The following SLC30A6 variants were observed in gnomAD, a reference collection of about 807,000 sequenced individuals.
SLC30A6 encodes solute carrier family 30 member 6.
SLC30A6 carries 55 observed loss-of-function variants against 63.0 expected under a neutral mutation model. The observed-to-expected ratio is 0.87, with a 90% CI of 0.70 to 1.09. SLC30A6 has a LOEUF of 1.09. SLC30A6 is among the 50% of genes least tolerant of loss of function. SLC30A6 has a pLI of 0.00. For missense variants in SLC30A6, 587 were observed against 549.2 expected, an observed-to-expected ratio of 1.07 and a Z score of -0.69; for synonymous variants, 224 against 186.1, an observed-to-expected ratio of 1.20 and a Z score of -1.66.
chr2:32,217,844 C>CT (rs61606348), intron 13 of SLC30A6, among the ~76,000 whole-genome samples: 14,139 of 143,616 alleles, frequency 0.098, 927 homozygotes, highest in Non-Finnish European at 0.14. Context: ...GGATTGAATT[C>CT]TTTTTTTTTT....
At chr2:32,179,729 GA>G (rs1375845661) in intron 4 of SLC30A6, among the ~76,000 whole-genome samples, 1 of 152,056 alleles carries the variant, frequency 6.6e-6, no homozygotes, top group Non-Finnish European at 1.5e-5. Context: ...TAAAAAGGGG[GA>G]AAGAATAAGA....
chr2:32,177,347 ACT>A (rs1681847790), intron 4 of SLC30A6: 1 of 160,552 alleles, frequency 6.2e-6, no homozygotes. Context: ...TTAGGGTCTT[ACT>A]CTGTCACCTA....
At position 32,221,983 on chromosome 2, in the gene SLC30A6, G is replaced by C. The variant is rs1686170071; in HGVS notation, c.*1270G>C. 1.3e-5 allele frequency: 2 copies of C among 152,014 alleles called. No individual in the cohort carries two copies. Among genetic ancestry groups the C allele is most frequent in the Admixed American group, 6.6e-5 (1 of 15,226 alleles). 9.4% of individuals were successfully genotyped at this position (152,014 alleles called of 1,614,324 possible). A position where few individuals can be genotyped will look rare whatever the true frequency, so the allele number is the denominator to read the frequency against. On this transcript the variant is annotated 3_prime_UTR_variant, in exon 14 of 14. Transcript: ENST00000282587. The stretch of plus-strand genomic sequence containing the variant: ...AATATGGAATTTGATGTCTTTTCAA[G>C]TTGCACAAAGAATTTGAGCATATAT...
Position 32,220,548 on chromosome 2 carries a change from G to C in SLC30A6, c.1221G>C (p.Arg407Ser), listed in dbSNP as rs763014635. The change falls in exon 14 of 14, where the codon AGG becomes AGC. Residue 407 changes from arginine to serine, a missense_variant. Physicochemically the swap from Arg to Ser is moderately radical, Grantham distance 110. Coordinates refer to ENST00000282587, the MANE Select transcript of SLC30A6 (RefSeq NM_017964.5). ...NPVILLNTQT[R>S]PYGFGLNHGH... ...TTATTCTTCTAAACACACAAACAAG[G>C]CCTTATGGTTTTGGTCTCAATCATG... 10 of 1,614,022 alleles carry C rather than the reference G, an allele frequency of 6.2e-6. No individual in the cohort carries two copies. The highest frequency in any genetic ancestry group is 8.5e-6 in the Non-Finnish European group (10 of 1,180,036).
At position 32,209,473 on chromosome 2, in the gene SLC30A6, C is replaced by G. The variant is rs750866728; in HGVS notation, c.817-20C>G. 2 of 1,592,880 alleles carry G rather than the reference C, an allele frequency of 1.3e-6. No individual in the cohort carries two copies. The highest frequency in any genetic ancestry group is 1.7e-6 in the Non-Finnish European group (2 of 1,171,036). On this transcript the variant is annotated intron_variant, in intron 12 of 13. Coordinates refer to ENST00000282587, the MANE Select transcript of SLC30A6 (RefSeq NM_017964.5). ...TGTTAAGTACAGACAACTCTGATCA[C>G]CTCTTTCTGTTTTTGGTAGGTATCT...
chr2:32,189,297 T>C (rs1373348687), intron 5 of SLC30A6, among the ~76,000 whole-genome samples: 3 of 149,172 alleles, frequency 2.0e-5, no homozygotes, highest in Non-Finnish European at 4.5e-5. Flanking sequence ...TTTTTTTTTT[T>C]TTTCTTTTTT....
chr2:32,204,304 C>G (rs1183313963), intron 10 of SLC30A6, among the ~76,000 whole-genome samples: 1 of 151,970 alleles, frequency 6.6e-6, no homozygotes, highest in African/African-American at 2.4e-5. Context: ...GATAGTTTGA[C>G]AAAAAAATGC....
At chr2:32,185,851 C>G (rs1682756097) in intron 5 of SLC30A6, among the ~76,000 whole-genome samples, 1 of 151,194 alleles carries the variant, frequency 6.6e-6, no homozygotes, top group South Asian at 2.1e-4. Context: ...TCCCGAGTAC[C>G]TGGGATTACA....
intron 11 of SLC30A6, among the ~76,000 whole-genome samples, chr2:32,206,328 C>T (rs2148887397): frequency 6.6e-6 from 1 of 152,058 alleles, no homozygotes; most frequent in East Asian, 2.0e-4. Flanking sequence ...TGCCTGTAGT[C>T]CCAGCTACTC....
intron 13 of SLC30A6, among the ~76,000 whole-genome samples, chr2:32,216,009 T>C (rs887565986): frequency 7.9e-5 from 12 of 152,228 alleles, no homozygotes; most frequent in Non-Finnish European, 1.6e-4. Flanking sequence ...TGAATAGTGC[T>C]GCAGTGAACA....
At chr2:32,204,924 C>T (rs928063024) in intron 11 of SLC30A6, among the ~76,000 whole-genome samples, 1 of 151,464 alleles carries the variant, frequency 6.6e-6, no homozygotes, top group Non-Finnish European at 1.5e-5. Flanking sequence ...AAGGACCCTC[C>T]CACCTCAGTC....
chr2:32,212,098 A>G (rs1023687476), intron 13 of SLC30A6, among the ~76,000 whole-genome samples: 4 of 151,816 alleles, frequency 2.6e-5, no homozygotes, highest in Non-Finnish European at 4.4e-5. Context: ...TCAAATTCTT[A>G]TCTTTTAATT....
intron 4 of SLC30A6, among the ~76,000 whole-genome samples, chr2:32,180,651 T>C (rs1282307282): frequency 6.6e-6 from 1 of 152,098 alleles, no homozygotes; most frequent in Non-Finnish European, 1.5e-5. Flanking sequence ...CAGGCTGGTC[T>C]TGAACTCCTG....
intron 4 of SLC30A6, among the ~76,000 whole-genome samples, chr2:32,180,711 GC>G (rs1682231647): frequency 6.6e-6 from 1 of 152,150 alleles, no homozygotes; most frequent in Non-Finnish European, 1.5e-5. Flanking sequence ...GGGATTACAG[GC>G]GTGAACCACC....
chr2:32,206,998 T>C (rs2148888892), intron 12 of SLC30A6, 65 bp downstream of exon 12: 1 of 1,295,278 alleles, frequency 7.7e-7, no homozygotes, highest in South Asian at 1.2e-5. Flanking sequence ...GTGGATACTT[T>C]TAATACTTTA....
At chr2:32,203,379 G>C (rs151126637) in intron 10 of SLC30A6, 13,385 of 1,056,142 alleles carry the variant, frequency 0.013, 203 homozygotes, top group South Asian at 0.045. Flanking sequence ...AAATCTAAAA[G>C]CACGGATGCC....
In SLC30A6 at chr2:32,218,465, T is replaced by C. The variant is rs114911404; in HGVS notation, c.886-1748T>C. ...TTCCATTACTACCTCTGGAATATGA[T>C]ATATCTGTCTGTCCCTCTCTGATCC... On this transcript the variant is annotated intron_variant, in intron 13 of 13. Coordinates refer to ENST00000282587, the MANE Select transcript of SLC30A6 (RefSeq NM_017964.5). 1.5e-3 allele frequency among the ~76,000 whole-genome samples: 233 copies of C among 152,312 alleles called. 1 individual carries two copies. The highest frequency in any genetic ancestry group is 5.3e-3 in the African/African-American group (222 of 41,566).
intron 4 of SLC30A6, among the ~76,000 whole-genome samples, chr2:32,179,095 A>G (rs1682057025): frequency 6.6e-6 from 1 of 152,216 alleles, no homozygotes; most frequent in South Asian, 2.1e-4. Context: ...TCTGGGCTCA[A>G]GTGATCCTCC....
intron 10 of SLC30A6, chr2:32,202,038 A>G: frequency 1.9e-6 from 2 of 1,041,716 alleles, no homozygotes; most frequent in Non-Finnish European, 2.8e-6. Context: ...AAAAAAAGCA[A>G]GTATCATCCT....
Sources: gnomAD v4.1 joint callset for allele counts (sites outside exome capture counted in the v4.1 genomes callset) on GRCh38, gnomAD v4.1.1 for gene constraint, MANE v1.5 for transcripts, NCBI Gene and HGNC (gene_info 2026-07-23, HGNC 2026-07-21) for gene names.